Variants in KPNB1 observed in about 807,000 individuals in gnomAD.
The protein encoded by KPNB1 is karyopherin subunit beta 1.
Under a neutral mutation model 113.0 loss-of-function variants are expected in KPNB1, and 7 were observed. That is an observed-to-expected ratio of 0.06 (90% CI 0.04 to 0.12). The LOEUF is 0.12. Among genes scored for constraint, KPNB1 ranks in the 10% least tolerant of loss-of-function variants. KPNB1 has a pLI of 1.00. For missense variants in KPNB1, 400 were observed against 1,054.8 expected, an observed-to-expected ratio of 0.38 and a Z score of 8.60; for synonymous variants, 363 against 378.6, an observed-to-expected ratio of 0.96 and a Z score of 0.48.
chr17:47,671,817 A>C (rs1336882419), intron 12 of KPNB1: 2 of 152,142 alleles, frequency 1.3e-5, no homozygotes, highest in African/African-American at 4.8e-5. Flanking sequence ...ATGAGCCACC[A>C]TGCCCGGCCA....
intron 12 of KPNB1, chr17:47,671,831 AC>A (rs1337769129): frequency 6.6e-6 from 1 of 152,052 alleles, no homozygotes; most frequent in Non-Finnish European, 1.5e-5. Context: ...CCGGCCAACT[AC>A]CATATTTTTA....
intron 4 of KPNB1, among the ~76,000 whole-genome samples, chr17:47,657,800 T>C (rs375303947): frequency 1.3e-5 from 2 of 152,226 alleles, no homozygotes; most frequent in African/African-American, 4.8e-5. Context: ...TTTTGTTCAG[T>C]TCTGGATTGC....
At chr17:47,668,818 A>G (rs1468707422) in intron 10 of KPNB1, among the ~76,000 whole-genome samples, 3 of 152,036 alleles carry the variant, frequency 2.0e-5, no homozygotes, top group African/African-American at 7.2e-5. Context: ...GATTCCCCAT[A>G]ATTTTTAATA....
At chr17:47,656,764 AAAG>A (rs2029922769) in intron 3 of KPNB1, 93 bp from the exon 4 acceptor site, 1 of 1,248,062 alleles carries the variant, frequency 8.0e-7, no homozygotes, top group Non-Finnish European at 1.2e-6. Context: ...GAAAGAAAAA[AAAG>A]AATTCAGAGA....
At chr17:47,656,565 G>A (rs2029915958) in intron 3 of KPNB1, among the ~76,000 whole-genome samples, 1 of 150,630 alleles carries the variant, frequency 6.6e-6, no homozygotes, top group African/African-American at 2.4e-5. Context: ...TTGAGCCTGG[G>A]CAATATGGTG....
chr17:47,672,964 T>C, intron 12 of KPNB1, 54 bp from the exon 13 acceptor site: 1 of 1,548,604 alleles, frequency 6.5e-7, no homozygotes, highest in Non-Finnish European at 8.7e-7. Flanking sequence ...TTGTCTATGT[T>C]CTTCCCTGTC....
chr17:47,654,052 A>G (rs1915652392), intron 3 of KPNB1, among the ~76,000 whole-genome samples: 1 of 152,162 alleles, frequency 6.6e-6, no homozygotes, highest in African/African-American at 2.4e-5. Flanking sequence ...ATGGGATAAG[A>G]TGTAATTGGA....
chr17:47,658,814 A>C (rs1199665810), intron 5 of KPNB1, among the ~76,000 whole-genome samples, 154 bp downstream of exon 5: 2 of 152,216 alleles, frequency 1.3e-5, no homozygotes, highest in Non-Finnish European at 2.9e-5. Flanking sequence ...GTATTGTGTG[A>C]GATATCCCCA....
Position 47,668,262 on chromosome 17 carries a change from G to C in KPNB1, c.1076G>C (p.Cys359Ser). Residue 359 changes from cysteine (C) to serine (S), a missense_variant, in exon 10 of 22, where the codon TGT becomes TCT. Physicochemically the swap from Cys to Ser is moderately radical, Grantham distance 112 (BLOSUM62 -1). Coordinates refer to ENST00000290158, the MANE Select transcript of KPNB1 (RefSeq NM_002265.6). The stretch of plus-strand genomic sequence containing the variant: ...TGCCTCATGCTTCTGGCCACCTGCT[G>C]TGAAGATGACATTGTCCCACATGTC... Reference protein sequence around the residue: ...GVCLMLLATCCEDDIVPHVLP... With the variant: ...GVCLMLLATCSEDDIVPHVLP... 6.2e-7 allele frequency: 1 copy of C among 1,614,158 alleles called. No individual in the cohort carries two copies. Among genetic ancestry groups the C allele is most frequent in the Non-Finnish European group, 8.5e-7 (1 of 1,180,034 alleles).
At chr17:47,663,291 A>C in intron 7 of KPNB1, 113 bp downstream of exon 7, 1 of 671,436 alleles carries the variant, frequency 1.5e-6, no homozygotes, top group East Asian at 2.7e-5. Flanking sequence ...GGAATCAAGG[A>C]AATTCCTCGA....
At chr17:47,659,515 C>A (rs1329438884) in intron 5 of KPNB1, among the ~76,000 whole-genome samples, 1 of 151,990 alleles carries the variant, frequency 6.6e-6, no homozygotes, top group African/African-American at 2.4e-5. Context: ...CACTTTGGGC[C>A]ACCAAGGCAA....
At position 47,682,812 on chromosome 17, in the gene KPNB1, G is replaced by C. The variant is rs1317429267; in HGVS notation, c.*408G>C. 1 of 218,440 alleles carries C rather than the reference G, an allele frequency of 4.6e-6. No individual in the cohort carries two copies. The highest frequency in any genetic ancestry group is 5.2e-5 in the Admixed American group (1 of 19,104). 13.5% of individuals were successfully genotyped at this position (218,440 alleles called of 1,614,324 possible). A position where few individuals can be genotyped will look rare whatever the true frequency, so the allele number is the denominator to read the frequency against. ...CTGGGTTCAGCTGTGGTGCTTTGTT[G>C]TAAAAGGCAGCCTGGCCTTTGCTAC... On this transcript the variant is annotated 3_prime_UTR_variant, in exon 22 of 22. Transcript: ENST00000290158.
intron 12 of KPNB1, 100 bp from the exon 13 acceptor site, chr17:47,672,918 C>T: frequency 9.1e-7 from 1 of 1,103,570 alleles, no homozygotes; most frequent in South Asian, 1.6e-5. Flanking sequence ...GGTCTGCAGA[C>T]ATACCGGTTC....
At position 47,684,404 on chromosome 17, in the gene KPNB1, C is replaced by G. The variant is rs1476884046; in HGVS notation, c.*2000C>G. ...GAGACGCTCCATTGTGAATAAAGAG[C>G]TCATACCAGCTCCTAAGCCCTATTA... On this transcript the variant is annotated 3_prime_UTR_variant, in exon 22 of 22. Transcript: ENST00000290158. 1.3e-5 allele frequency: 2 copies of G among 151,896 alleles called. No individual in the cohort carries two copies. Among genetic ancestry groups the G allele is most frequent in the African/African-American group, 4.8e-5 (2 of 41,344 alleles). 9.4% of individuals were successfully genotyped at this position (151,896 alleles called of 1,614,324 possible).
At chr17:47,681,053 TTTTGTGTGTG>T (rs1487653475) in intron 21 of KPNB1, among the ~76,000 whole-genome samples, 1,286 of 125,496 alleles carry the variant, frequency 0.01, 17 homozygotes, top group African/African-American at 0.037. Context: ...TCAAATGTTT[TTTTGTGTGTG>T]TGTGTGTGTG....
chr17:47,673,725 T>G, intron 14 of KPNB1, 164 bp downstream of exon 14: 4 of 606,362 alleles, frequency 6.6e-6, no homozygotes, highest in Non-Finnish European at 5.9e-6. Context: ...GGGAGAGGAA[T>G]TCCCCACCTG....
intron 14 of KPNB1, 108 bp from the exon 15 acceptor site, chr17:47,674,530 A>C: frequency 1.7e-6 from 2 of 1,160,386 alleles, no homozygotes; most frequent in Non-Finnish European, 1.2e-6. Context: ...TGGCATTCCC[A>C]AAATTAAAAA....
In KPNB1 at chr17:47,650,376, C is replaced by CA. The variant is rs748267421; in HGVS notation, c.41-10_41-9insA. 6.2e-7 allele frequency: 1 copy of CA among 1,611,950 alleles called. No homozygotes were observed. Reference sequence around the variant, plus strand: ...TGACCCCGCTCCGTCTCCCACTTTCCTCCCCCTAGATCGGCTGGAGCTGGA... The same window carrying CA: ...TGACCCCGCTCCGTCTCCCACTTTCCATCCCCCTAGATCGGCTGGAGCTGGA... On this transcript the variant is annotated splice_polypyrimidine_tract_variant and intron_variant, in intron 1 of 21. Transcript: ENST00000290158.
chr17:47,659,550 T>C (rs1445498515), intron 5 of KPNB1, among the ~76,000 whole-genome samples: 2 of 151,980 alleles, frequency 1.3e-5, no homozygotes, highest in Non-Finnish European at 2.9e-5. Flanking sequence ...GCCAGGAGTT[T>C]GAGACTAGCC....
Sources: allele counts gnomAD v4.1 joint callset (sites outside exome capture counted in the v4.1 genomes callset), GRCh38; gene constraint gnomAD v4.1.1; transcripts MANE v1.5; gene names NCBI Gene and HGNC (gene_info 2026-07-23, HGNC 2026-07-21).